TBC1D31: variants seen among roughly 807,000 people sequenced by gnomAD.
TBC1D31 encodes TBC1 domain family member 31, also known as WD repeat domain 67.
Under a neutral mutation model 132.9 loss-of-function variants are expected in TBC1D31, and 99 were observed. The ratio of observed to expected loss-of-function variants is 0.74; its 90% CI spans 0.63 to 0.88. The LOEUF is 0.88. Among genes scored for constraint, TBC1D31 ranks in the 40% least tolerant of loss-of-function variants. TBC1D31 has a pLI of 0.00. For synonymous variants in TBC1D31, 385 were observed against 419.4 expected (o/e 0.92, Z 1.00); for missense variants, 1,134 against 1,256.6 (o/e 0.90, Z 1.48).
chr8:123,102,860 G>T (rs1342707245), intron 7 of TBC1D31: 1 of 152,240 alleles, frequency 6.6e-6, no homozygotes, highest in Non-Finnish European at 1.5e-5. Context: ...TGCTTAAAGT[G>T]GTCCCCAAGC....
At position 123,129,165 on chromosome 8, in the gene TBC1D31, A is replaced by G; in HGVS notation, c.2217A>G (p.Thr739=). 1 of 1,608,078 alleles carries G rather than the reference A, an allele frequency of 6.2e-7. No homozygotes were observed. The highest frequency in any genetic ancestry group is 8.5e-7 in the Non-Finnish European group (1 of 1,175,778). ...AGCTGCTTCGTAAAGCTGAAGAAAC[A>G]AGAAGAGAAATGCTCTTACAAGAGG... is the stretch of plus-strand genomic sequence containing the variant. ...KQELLRKAEE[T]RREMLLQEEE... Residue 739 remains threonine (T), a synonymous_variant, in exon 15 of 22, where the codon ACA becomes ACG. Coordinates refer to ENST00000287380, the MANE Select transcript of TBC1D31 (RefSeq NM_145647.4).
intron 19 of TBC1D31, among the ~76,000 whole-genome samples, chr8:123,142,860 T>C (rs1290479841): frequency 6.6e-6 from 1 of 152,242 alleles, no homozygotes; most frequent in Non-Finnish European, 1.5e-5. Context: ...ATTAGTACTT[T>C]AATTTAGCTA....
At chr8:123,163,078 G>T in the TBC1D31 span, among the ~76,000 whole-genome samples, 1 of 152,034 alleles carries the variant, frequency 6.6e-6, no homozygotes, top group Non-Finnish European at 1.5e-5. Flanking sequence ...GCCCACCTCA[G>T]CCTCCCAAAG....
chr8:123,157,708 G>GGC, the TBC1D31 span, among the ~76,000 whole-genome samples: 295 of 106,466 alleles, frequency 2.8e-3, 1 homozygote, highest in East Asian at 0.011. Flanking sequence ...AACACACACG[G>GGC]GCGCGCGCGC....
intron 16 of TBC1D31, among the ~76,000 whole-genome samples, chr8:123,133,717 T>C (rs1820829084): frequency 6.6e-6 from 1 of 152,170 alleles, no homozygotes; most frequent in African/African-American, 2.4e-5. Context: ...TTGTTAATTG[T>C]CAAACCATAC....
chr8:123,100,697 C>A, intron 6 of TBC1D31, 110 bp from the exon 7 acceptor site: 2 of 703,058 alleles, frequency 2.8e-6, no homozygotes, highest in South Asian at 1.7e-5. Context: ...CACATATACA[C>A]ACACACATAC....
rs1483083788 is a variant in TBC1D31, at chr8:123,144,794, G to A, written c.2913G>A (p.Lys971=). The part of the protein sequence containing the change: ...KASALSDASR[K]WFLKQEINAA... Reference sequence around the variant, plus strand: ...CTGCTCTTTCAGATGCGTCTAGAAAGTGGTTTTTAAAGCAAGAGATAAATG... The same window carrying A: ...CTGCTCTTTCAGATGCGTCTAGAAAATGGTTTTTAAAGCAAGAGATAAATG... Residue 971 remains lysine (K), a synonymous_variant, in exon 20 of 22, where the codon AAG becomes AAA. Transcript: ENST00000287380. 2 of 1,613,944 alleles carry A rather than the reference G, an allele frequency of 1.2e-6. No homozygotes were observed. The highest frequency in any genetic ancestry group is 3.3e-5 in the Admixed American group (2 of 59,968).
chr8:123,139,849 G>T (rs1316017865), intron 17 of TBC1D31, among the ~76,000 whole-genome samples: 1 of 152,280 alleles, frequency 6.6e-6, no homozygotes, highest in East Asian at 1.9e-4. Flanking sequence ...TCAACAGTTT[G>T]CTCTAATTGT....
chr8:123,121,532 G>C (rs116282830), intron 11 of TBC1D31, among the ~76,000 whole-genome samples: 2,101 of 152,194 alleles, frequency 0.014, 42 homozygotes, highest in African/African-American at 0.048. Context: ...GGTTGTAAGC[G>C]AGTTCTCGCT....
At position 123,093,613 on chromosome 8, in the gene TBC1D31, A is replaced by AT. The variant is rs1193021239; in HGVS notation, c.543dup (p.Thr182TyrfsTer7). ...TAGGTTTTCTTTCTACCATTAAGTAATACCATCCTCAGCTGTTTTAAAGAT... is the reference window on the plus strand; with the variant it reads ...TAGGTTTTCTTTCTACCATTAAGTAATTACCATCCTCAGCTGTTTTAAAGAT... On this transcript the variant is annotated frameshift_variant, in exon 5 of 22. Coordinates refer to ENST00000287380, the MANE Select transcript of TBC1D31 (RefSeq NM_145647.4). LOFTEE classifies it high-confidence loss of function. 6.2e-7 allele frequency: 1 copy of AT among 1,609,282 alleles called. No homozygotes were observed. Among genetic ancestry groups the AT allele is most frequent in the South Asian group, 1.1e-5 (1 of 90,508 alleles).
intron 4 of TBC1D31, among the ~76,000 whole-genome samples, chr8:123,084,752 T>A (rs1815539071): frequency 6.6e-6 from 1 of 151,604 alleles, no homozygotes; most frequent in Non-Finnish European, 1.5e-5. Flanking sequence ...TACCATACTC[T>A]CTTATGGGTC....
intron 8 of TBC1D31, among the ~76,000 whole-genome samples, chr8:123,106,271 A>G (rs530812834): frequency 6.6e-6 from 1 of 152,316 alleles, no homozygotes; most frequent in African/African-American, 2.4e-5. Context: ...ATCTCCTGCC[A>G]TCTTGCTCTG....
chr8:123,106,746 G>A (rs940960247), intron 8 of TBC1D31, among the ~76,000 whole-genome samples: 1 of 152,182 alleles, frequency 6.6e-6, no homozygotes, highest in African/African-American at 2.4e-5. Context: ...TGTATCCTGT[G>A]TCAGGTAGCT....
chr8:123,136,246 T>C (rs1429979132), intron 17 of TBC1D31, among the ~76,000 whole-genome samples: 4 of 152,316 alleles, frequency 2.6e-5, no homozygotes, highest in African/African-American at 9.6e-5. Flanking sequence ...ATCTCATCCA[T>C]TGTTTTGTTG....
At chr8:123,108,916 C>G (rs1818196316) in intron 8 of TBC1D31, among the ~76,000 whole-genome samples, 1 of 152,126 alleles carries the variant, frequency 6.6e-6, no homozygotes, top group Admixed American at 6.5e-5. Flanking sequence ...ACAAAACCAT[C>G]AGATCTCGTG....
intron 6 of TBC1D31, chr8:123,097,735 G>A: frequency 4.8e-6 from 1 of 210,200 alleles, no homozygotes; most frequent in Admixed American, 5.6e-5. Context: ...TTAATTCTTT[G>A]GCATAGGCAG....
intron 1 of TBC1D31, 109 bp from the exon 2 acceptor site, chr8:123,077,002 C>A: frequency 9.7e-7 from 1 of 1,029,324 alleles, no homozygotes; most frequent in Non-Finnish European, 1.4e-6. Context: ...ATAGCGGTAG[C>A]AGTAGGAGAG....
At chr8:123,121,773 A>C (rs1819510890) in intron 11 of TBC1D31, among the ~76,000 whole-genome samples, 1 of 152,246 alleles carries the variant, frequency 6.6e-6, no homozygotes, top group Admixed American at 6.5e-5. Flanking sequence ...GCAATAGAAA[A>C]TCAAACTAAT....
Position 123,150,064 on chromosome 8 carries a change from C to T in TBC1D31, c.3003C>T (p.Asp1001=). 6.2e-7 allele frequency: 1 copy of T among 1,614,044 alleles called. No homozygotes were observed. Among genetic ancestry groups the T allele is most frequent in the Non-Finnish European group, 8.5e-7 (1 of 1,179,912 alleles). The change falls in exon 21 of 22, where the codon GAC becomes GAT. Residue 1001 remains aspartate (D), a synonymous_variant. Coordinates refer to ENST00000287380, the MANE Select transcript of TBC1D31 (RefSeq NM_145647.4). Reference sequence around the variant, plus strand: ...AACCCAGGTTCCAAAATGAACAGGACTCAAGCTGTTTGCCTAGAACCTCAC... The same window carrying T: ...AACCCAGGTTCCAAAATGAACAGGATTCAAGCTGTTTGCCTAGAACCTCAC... The part of the protein sequence containing the change: ...KEEPRFQNEQ[D]SSCLPRTSQL...
Sources: gnomAD v4.1 joint callset for allele counts (sites outside exome capture counted in the v4.1 genomes callset) on GRCh38, gnomAD v4.1.1 for gene constraint, MANE v1.5 for transcripts, NCBI Gene and HGNC (gene_info 2026-07-23, HGNC 2026-07-21) for gene names.